Variants in MYCT1 observed in about 807,000 individuals in gnomAD.
MYCT1 encodes myc target protein 1.
In MYCT1, 12 loss-of-function variants were observed where a neutral mutation model predicts 15.0. That is an observed-to-expected ratio of 0.80 (90% CI 0.51 to 1.29). The LOEUF (loss-of-function observed/expected upper bound fraction) is 1.29, where lower values mean the gene tolerates loss of function less well. MYCT1 is among the 50% of genes most tolerant of loss of function. The pLI, the probability that MYCT1 is intolerant of heterozygous loss-of-function variation, is 0.00. For synonymous variants in MYCT1, 104 were observed against 102.7 expected (o/e 1.01, Z -0.07); for missense variants, 287 against 279.1 (o/e 1.03, Z -0.20).
At chr6:152,718,407 TTTTA>T (rs2099724111) in intron 1 of MYCT1, among the ~76,000 whole-genome samples, 1 of 152,140 alleles carries the variant, frequency 6.6e-6, no homozygotes, top group Admixed American at 6.5e-5. Context: ...AATTGCTGTA[TTTTA>T]TTTAATTAAT....
At chr6:152,743,579 G>A in the MYCT1 span, among the ~76,000 whole-genome samples, 8 of 152,156 alleles carry the variant, frequency 5.3e-5, no homozygotes, top group Non-Finnish European at 8.8e-5. Flanking sequence ...CGGTAAATCC[G>A]GAGGGTCACA....
the MYCT1 span, among the ~76,000 whole-genome samples, chr6:152,747,027 T>C: frequency 2.6e-3 from 393 of 152,206 alleles, 5 homozygotes; most frequent in African/African-American, 9.2e-3. Context: ...TTACCTTTAT[T>C]GTAATATTAT....
the MYCT1 span, among the ~76,000 whole-genome samples, chr6:152,740,183 T>A: frequency 6.6e-6 from 1 of 152,034 alleles, no homozygotes; most frequent in East Asian, 1.9e-4. Flanking sequence ...AGTGAGTAGC[T>A]GGGATTACAA....
chr6:152,717,964 T>C (rs2099724040), intron 1 of MYCT1, among the ~76,000 whole-genome samples: 1 of 152,190 alleles, frequency 6.6e-6, no homozygotes, highest in Admixed American at 6.5e-5. Context: ...ATTATTATTA[T>C]GATTCTCACG....
chr6:152,715,387 C>G (rs2099723455), intron 1 of MYCT1, among the ~76,000 whole-genome samples: 1 of 152,062 alleles, frequency 6.6e-6, no homozygotes, highest in Non-Finnish European at 1.5e-5. Flanking sequence ...TAATTTTGAT[C>G]AAAACTACTT....
At chr6:152,705,794 T>C (rs567821343) in intron 1 of MYCT1, 3 of 605,104 alleles carry the variant, frequency 5.0e-6, no homozygotes, top group South Asian at 2.1e-5. Flanking sequence ...ATAAAAAAAC[T>C]GGTATGGAAA....
intron 1 of MYCT1, among the ~76,000 whole-genome samples, chr6:152,715,523 A>C (rs1387135476): frequency 6.6e-6 from 1 of 151,836 alleles, no homozygotes; most frequent in Non-Finnish European, 1.5e-5. Flanking sequence ...TTTCAAACAT[A>C]ATGACATTTT....
the MYCT1 span, among the ~76,000 whole-genome samples, chr6:152,743,368 T>A: frequency 6.6e-6 from 1 of 152,132 alleles, no homozygotes; most frequent in African/African-American, 2.4e-5. Flanking sequence ...GCCCGGCCCT[T>A]GCGTGGTATT....
chr6:152,698,625 T>C (rs1461109169), intron 1 of MYCT1, among the ~76,000 whole-genome samples: 4 of 152,152 alleles, frequency 2.6e-5, no homozygotes, highest in Middle Eastern at 3.2e-3. Context: ...AATGAGTGAA[T>C]TTAAAGTGCA....
rs1386715451 is a variant in MYCT1, at chr6:152,720,781, A to G, written c.197-961A>G. Among the ~76,000 whole-genome samples the G allele has an allele frequency of 2.0e-5, 3 of 152,228 alleles. No individual in the cohort carries two copies. The East Asian group carries it at 5.8e-4, about 29-fold the overall frequency. On this transcript the variant is annotated intron_variant, in intron 1 of 1. Coordinates refer to ENST00000367245, the MANE Select transcript of MYCT1 (RefSeq NM_025107.3). ...AACGTTGGGGACAAGGGGTTTGATC[A>G]TGGAGGGGAAATGTGGGGGACCAAC...
the MYCT1 span, among the ~76,000 whole-genome samples, chr6:152,744,262 C>T: frequency 3.3e-4 from 51 of 152,304 alleles, no homozygotes; most frequent in Admixed American, 2.2e-3. Context: ...CAGACCGGCT[C>T]GGGGCTAGAG....
chr6:152,733,541 C>G, the MYCT1 span, among the ~76,000 whole-genome samples: 2 of 152,190 alleles, frequency 1.3e-5, no homozygotes, highest in African/African-American at 4.8e-5. Context: ...GAGCTTTCCA[C>G]CTAGTGAGCT....
At chr6:152,735,760 C>T in the MYCT1 span, among the ~76,000 whole-genome samples, 1 of 152,026 alleles carries the variant, frequency 6.6e-6, no homozygotes, top group East Asian at 1.9e-4. Flanking sequence ...TATTTGTTTA[C>T]TTAATTTCAG....
chr6:152,712,594 G>A lies in MYCT1; in HGVS notation c.197-9148G>A, dbSNP rs113469165. Among the ~76,000 whole-genome samples, 5 of 115,366 alleles carry A rather than the reference G, an allele frequency of 4.3e-5. 2 individuals are homozygous for A. Among genetic ancestry groups the A allele is most frequent in the African/African-American group, 1.1e-4 (4 of 34,806 alleles). 75.7% of individuals were successfully genotyped at this position (115,366 alleles called of 152,430 possible). ...AATGCAGAAATCACCCGTCTTCTGC[G>A]TCGCTCACCCTGGGAGCTGTAGACC... On this transcript the variant is annotated intron_variant, in intron 1 of 1. Transcript: ENST00000367245.
chr6:152,715,912 A>C (rs2099723574), intron 1 of MYCT1, among the ~76,000 whole-genome samples: 1 of 152,188 alleles, frequency 6.6e-6, no homozygotes, highest in Non-Finnish European at 1.5e-5. Context: ...GAGCCTATCA[A>C]GTAGGGACTT....
At chr6:152,729,676 A>AC in the MYCT1 span, among the ~76,000 whole-genome samples, 1 of 152,190 alleles carries the variant, frequency 6.6e-6, no homozygotes, top group African/African-American at 2.4e-5. Context: ...GCAGAGTCAA[A>AC]ACTCAGACTG....
Position 152,723,733 on chromosome 6 carries a change from T to C in MYCT1, c.*1480T>C, listed in dbSNP as rs993913447. The C allele has an allele frequency of 6.6e-6, 1 of 152,202 alleles. No homozygotes were observed. The highest frequency in any genetic ancestry group is 2.4e-5 in the African/African-American group (1 of 41,446). The allele number at this position is 152,202 out of a possible 1,614,324, so 9.4% of individuals were successfully genotyped here. A position where few individuals can be genotyped will look rare whatever the true frequency, so the allele number is the denominator to read the frequency against. On this transcript the variant is annotated 3_prime_UTR_variant, in exon 2 of 2. Coordinates refer to ENST00000367245, the MANE Select transcript of MYCT1 (RefSeq NM_025107.3). ...ATCCCTAAATGTGGCCACCAGAGAG[T>C]TCCAGTGGGCAGATGTCTGTGGCTG... is the stretch of plus-strand genomic sequence containing the variant.
intron 1 of MYCT1, among the ~76,000 whole-genome samples, chr6:152,705,203 C>G (rs560201812): frequency 2.0e-5 from 3 of 152,172 alleles, no homozygotes; most frequent in African/African-American, 7.2e-5. Flanking sequence ...AACATCATAG[C>G]TTAGCATAGC....
At chr6:152,726,564 T>C (rs1330018025), downstream of MYCT1, among the ~76,000 whole-genome samples, 1 of 152,126 alleles carries the variant, frequency 6.6e-6, no homozygotes, top group Non-Finnish European at 1.5e-5. Flanking sequence ...TGTGTAGAAC[T>C]GGCCAGGACT....
Sources: gnomAD v4.1 joint callset for allele counts (sites outside exome capture counted in the v4.1 genomes callset) on GRCh38, gnomAD v4.1.1 for gene constraint, MANE v1.5 for transcripts, NCBI Gene and HGNC (gene_info 2026-07-23, HGNC 2026-07-21) for gene names.